Variants in BPHL observed in about 807,000 individuals in gnomAD.
BPHL encodes the protein biphenyl hydrolase like, also known as serine hydrolase BPHL.
A neutral mutation model predicts 31.2 loss-of-function variants in BPHL; 27 were observed. The observed-to-expected ratio is 0.87, with a 90% CI of 0.64 to 1.19. The LOEUF (loss-of-function observed/expected upper bound fraction) is 1.19, where lower values mean the gene tolerates loss of function less well. Ranked by LOEUF, BPHL falls within the 50% of genes most tolerant of loss-of-function variation. The pLI, the probability that BPHL is intolerant of heterozygous loss-of-function variation, is 0.00. For synonymous variants in BPHL, 150 were observed against 146.8 expected, an observed-to-expected ratio of 1.02 and a Z score of -0.16; for missense variants, 356 against 375.7, an observed-to-expected ratio of 0.95 and a Z score of 0.43.
intron 1 of BPHL, among the ~76,000 whole-genome samples, chr6:3,121,512 G>T (rs1426875429): frequency 6.6e-6 from 1 of 151,910 alleles, no homozygotes; most frequent in Non-Finnish European, 1.5e-5. Flanking sequence ...ACCATGTTGG[G>T]CAGGATGGTC....
intron 6 of BPHL, among the ~76,000 whole-genome samples, chr6:3,147,719 T>A: frequency 6.6e-6 from 1 of 152,138 alleles, no homozygotes; most frequent in East Asian, 1.9e-4. Context: ...AGCTGACAAG[T>A]CCCAAGGTCT....
chr6:3,148,067 A>C (rs1220256709), intron 6 of BPHL, among the ~76,000 whole-genome samples: 2 of 152,178 alleles, frequency 1.3e-5, no homozygotes, highest in African/African-American at 4.8e-5. Flanking sequence ...TCATGAACAC[A>C]CTCAGAAATA....
intron 6 of BPHL, among the ~76,000 whole-genome samples, chr6:3,152,171 G>A (rs727260): frequency 0.084 from 12,845 of 152,154 alleles, 785 homozygotes; most frequent in African/African-American, 0.17. Context: ...GTAACCACCA[G>A]ATCACCTCCC....
At chr6:3,151,817 G>C (rs1458995995) in intron 6 of BPHL, among the ~76,000 whole-genome samples, 1 of 152,234 alleles carries the variant, frequency 6.6e-6, no homozygotes, top group Non-Finnish European at 1.5e-5. Flanking sequence ...AAAGGAAGAA[G>C]CCTTACGAGG....
At chr6:3,144,558 G>C (rs1463892597) in intron 6 of BPHL, among the ~76,000 whole-genome samples, 1 of 151,566 alleles carries the variant, frequency 6.6e-6, no homozygotes, top group Non-Finnish European at 1.5e-5. Context: ...CTAATTTTTT[G>C]TGTATGTATT....
chr6:3,140,726 A>G lies in BPHL; in HGVS notation c.788+217A>G, dbSNP rs1004266110. On this transcript the variant is annotated intron_variant, in intron 6 of 6. Transcript: ENST00000380379. This position sits in a 1 kb window ranked among gnomAD's most constrained non-coding sequence, Gnocchi z 5.2. ...TAACCAGAAGGAAAGGCATGTTCAGATAGACAGCTCTTACTTTCATGAGTG... is the reference window on the plus strand; with the variant it reads ...TAACCAGAAGGAAAGGCATGTTCAGGTAGACAGCTCTTACTTTCATGAGTG... Among the ~76,000 whole-genome samples the G allele has an allele frequency of 6.6e-6, 1 of 152,234 alleles. No individual in the cohort carries two copies. Among genetic ancestry groups the G allele is most frequent in the Non-Finnish European group, 1.5e-5 (1 of 68,042 alleles).
Position 3,152,787 on chromosome 6 carries a change from G to C in BPHL, c.*212G>C. On this transcript the variant is annotated 3_prime_UTR_variant, in exon 7 of 7. Coordinates refer to ENST00000380379, the MANE Select transcript of BPHL (RefSeq NM_004332.4). ...CACAGCTATAATCTCAGCACTTTGG[G>C]AGGCTGAGGTGGGAGAATTGCCTGA... 1 of 421,798 alleles carries C rather than the reference G, an allele frequency of 2.4e-6. No individual in the cohort carries two copies. Among genetic ancestry groups the C allele is most frequent in the South Asian group, 4.1e-5 (1 of 24,210 alleles). The allele number at this position is 421,798 out of a possible 1,614,324, so 26.1% of individuals were successfully genotyped here.
intron 1 of BPHL, among the ~76,000 whole-genome samples, chr6:3,121,019 A>G (rs1054315151): frequency 6.6e-6 from 1 of 152,122 alleles, no homozygotes; most frequent in Non-Finnish European, 1.5e-5. Context: ...AGATTGTTCA[A>G]CCTCTCTGAG....
At chr6:3,129,255 C>T in intron 4 of BPHL, 57 bp downstream of exon 4, 1 of 1,484,260 alleles carries the variant, frequency 6.7e-7, no homozygotes, top group Non-Finnish European at 9.0e-7. Context: ...CTCTCCGCAT[C>T]TCATCTCTTA....
chr6:3,137,361 G>C lies in BPHL; in HGVS notation c.533-1G>C. ...TCTTCGCCTACACTTCTGTTTTTCA[G>C]GCATCCGAGATGTTTCCAAATGGAG... On this transcript the variant is annotated splice_acceptor_variant, in intron 4 of 6. Transcript: ENST00000380379. LOFTEE classifies it high-confidence loss of function. The C allele has an allele frequency of 6.2e-7, 1 of 1,609,974 alleles. No homozygotes were observed. The highest frequency in any genetic ancestry group is 8.5e-7 in the Non-Finnish European group (1 of 1,179,088).
intron 6 of BPHL, among the ~76,000 whole-genome samples, chr6:3,144,387 T>TTG (rs1250422434): frequency 6.8e-5 from 10 of 146,126 alleles, no homozygotes; most frequent in African/African-American, 2.3e-4. Flanking sequence ...TTTTTTTTTT[T>TTG]TTTGTTTTTT....
chr6:3,122,144 G>T (rs1049751889), intron 1 of BPHL, among the ~76,000 whole-genome samples: 2 of 152,138 alleles, frequency 1.3e-5, no homozygotes, highest in Non-Finnish European at 2.9e-5. Flanking sequence ...GCCGGGCGTG[G>T]TGGCGGGTGC....
chr6:3,127,332 A>G lies in BPHL; in HGVS notation c.302A>G (p.His101Arg), dbSNP rs781761471. 6.2e-7 allele frequency: 1 copy of G among 1,610,182 alleles called. No individual in the cohort carries two copies. Among genetic ancestry groups the G allele is most frequent in the African/African-American group, 1.3e-5 (1 of 74,752 alleles). Residue 101 changes from histidine (H) to arginine (R), a missense_variant, in exon 3 of 7, where the codon CAT becomes CGT. Physicochemically the swap from His to Arg is conservative, Grantham distance 29. Coordinates refer to ENST00000380379, the MANE Select transcript of BPHL (RefSeq NM_004332.4). ...VVAWDPRGYG[H>R]SRPPDRDFPA... is the part of the protein sequence containing the mutation. ...GCCTGGGATCCTCGAGGCTATGGAC[A>G]TTCCAGGCCCCCAGATCGCGATTTC...
Position 3,140,660 on chromosome 6 carries a change from G to A in BPHL, c.788+151G>A. The A allele has an allele frequency of 1.6e-6, 2 of 1,267,790 alleles. 1 individual carries two copies. Among genetic ancestry groups the A allele is most frequent in the South Asian group, 2.9e-5 (2 of 69,794 alleles). 78.5% of individuals were successfully genotyped at this position (1,267,790 alleles called of 1,614,324 possible). ...CAGTCAGTAGCACCGCTTTATTTAG[G>A]GTACCACGGAAGAGAGAAGCCCTGA... On this transcript the variant is annotated intron_variant, in intron 6 of 6. Coordinates refer to ENST00000380379, the MANE Select transcript of BPHL (RefSeq NM_004332.4). This position sits in a 1 kb window ranked among gnomAD's most constrained non-coding sequence, Gnocchi z 5.2.
Position 3,152,695 on chromosome 6 carries a change from A to T in BPHL, c.*120A>T. On this transcript the variant is annotated 3_prime_UTR_variant, in exon 7 of 7. Coordinates refer to ENST00000380379, the MANE Select transcript of BPHL (RefSeq NM_004332.4). ...ACTTTCTACCCCTCCCTTCAATCTTATCCTAACCAAATGAGAATAATGACA... is the reference window on the plus strand; with the variant it reads ...ACTTTCTACCCCTCCCTTCAATCTTTTCCTAACCAAATGAGAATAATGACA... The T allele has an allele frequency of 2.4e-6, 2 of 838,478 alleles. No homozygotes were observed. The highest frequency in any genetic ancestry group is 3.7e-6 in the Non-Finnish European group (2 of 537,642). 51.9% of individuals were successfully genotyped at this position (838,478 alleles called of 1,614,324 possible). A position where few individuals can be genotyped will look rare whatever the true frequency, so the allele number is the denominator to read the frequency against.
intron 1 of BPHL, among the ~76,000 whole-genome samples, chr6:3,121,298 T>G (rs922486105): frequency 7.6e-6 from 1 of 132,412 alleles, no homozygotes; most frequent in Non-Finnish European, 1.6e-5. Context: ...TTTCTTTTTT[T>G]TTTTTTTTTT....
At chr6:3,130,724 C>T (rs1472755881) in intron 4 of BPHL, among the ~76,000 whole-genome samples, 6 of 152,218 alleles carry the variant, frequency 3.9e-5, no homozygotes, top group African/African-American at 9.6e-5. Flanking sequence ...CAGATCTCTT[C>T]GCTAGAATAT....
At chr6:3,136,051 G>A (rs1426189789) in intron 4 of BPHL, among the ~76,000 whole-genome samples, 2 of 152,134 alleles carry the variant, frequency 1.3e-5, no homozygotes, top group Admixed American at 1.3e-4. Flanking sequence ...TTTCTCATGT[G>A]CAGACACACT....
chr6:3,145,116 T>G (rs1170523931), intron 6 of BPHL, among the ~76,000 whole-genome samples: 40 of 109,810 alleles, frequency 3.6e-4, no homozygotes, highest in Non-Finnish European at 4.8e-4. Context: ...GGTTTGGGTT[T>G]GAGTTCTGGT....
Sources: allele counts gnomAD v4.1 joint callset (sites outside exome capture counted in the v4.1 genomes callset), GRCh38; gene constraint gnomAD v4.1.1; non-coding constraint Gnocchi (gnomAD v3.1); transcripts MANE v1.5; gene names NCBI Gene and HGNC (gene_info 2026-07-23, HGNC 2026-07-21).